Variants in OLA1 observed in about 807,000 individuals in gnomAD.
OLA1 encodes the protein Obg like ATPase 1.
In OLA1, 14 loss-of-function variants were observed where a neutral mutation model predicts 48.4. That is an observed-to-expected ratio of 0.29 (90% CI 0.19 to 0.45). The LOEUF (loss-of-function observed/expected upper bound fraction) is 0.45. Among genes scored for constraint, OLA1 ranks in the 20% least tolerant of loss-of-function variants. The pLI is 1.00. For synonymous variants in OLA1, 127 were observed against 150.4 expected, an observed-to-expected ratio of 0.84 and a Z score of 1.14; for missense variants, 325 against 467.1, an observed-to-expected ratio of 0.70 and a Z score of 2.80.
At chr2:174,089,611 A>G (rs1350168085) in intron 7 of OLA1, among the ~76,000 whole-genome samples, 1 of 152,182 alleles carries the variant, frequency 6.6e-6, no homozygotes, top group East Asian at 1.9e-4. Flanking sequence ...TTTATAAGAC[A>G]TAATTATTGG....
At chr2:174,224,576 T>C (rs1263305795) in intron 3 of OLA1, among the ~76,000 whole-genome samples, 1 of 152,064 alleles carries the variant, frequency 6.6e-6, no homozygotes, top group Admixed American at 6.6e-5. Flanking sequence ...GGAGTTCAAG[T>C]TCAGCCTGGG....
At chr2:174,219,006 T>TTTTTTTTTTTTTTTTTTTTG (rs57416373) in intron 4 of OLA1, among the ~76,000 whole-genome samples, 1 of 135,800 alleles carries the variant, frequency 7.4e-6, no homozygotes, top group African/African-American at 2.9e-5. Flanking sequence ...TTTTTTTTTT[T>TTTTTTTTTTTTTTTTTTTTG]GTAGCAATGT....
intron 4 of OLA1, among the ~76,000 whole-genome samples, chr2:174,180,892 T>G (rs988146771): frequency 3.9e-5 from 6 of 152,222 alleles, no homozygotes; most frequent in Non-Finnish European, 8.8e-5. Flanking sequence ...TAGCAAGTAA[T>G]AAAAGCCCTT....
chr2:174,167,876 C>T (rs1350411726), intron 4 of OLA1, among the ~76,000 whole-genome samples: 1 of 152,130 alleles, frequency 6.6e-6, no homozygotes, highest in Non-Finnish European at 1.5e-5. Flanking sequence ...AAAATTCCAA[C>T]CAAGGGCTTT....
At chr2:174,137,396 GCT>G (rs1558971219) in intron 5 of OLA1, among the ~76,000 whole-genome samples, 1 of 152,178 alleles carries the variant, frequency 6.6e-6, no homozygotes, top group Admixed American at 6.5e-5. Flanking sequence ...ACTCGCAAAG[GCT>G]CTAGGATTTT....
At chr2:174,177,827 G>A (rs1421511138) in intron 4 of OLA1, among the ~76,000 whole-genome samples, 1 of 151,708 alleles carries the variant, frequency 6.6e-6, no homozygotes, top group African/African-American at 2.4e-5. Context: ...AAGTCAGCCA[G>A]CTTAATAAAA....
At chr2:174,232,862 T>C (rs1172168651) in intron 2 of OLA1, among the ~76,000 whole-genome samples, 1 of 152,180 alleles carries the variant, frequency 6.6e-6, no homozygotes, top group Non-Finnish European at 1.5e-5. Context: ...TCTGGGTATA[T>C]ATCCAAAAGA....
intron 4 of OLA1, among the ~76,000 whole-genome samples, chr2:174,205,568 T>C (rs1688093248): frequency 1.3e-5 from 2 of 152,340 alleles, no homozygotes; most frequent in South Asian, 2.1e-4. Context: ...CCATCTCCCC[T>C]GACCTAACCC....
At chr2:174,213,789 A>G (rs1364276397) in intron 4 of OLA1, among the ~76,000 whole-genome samples, 1 of 152,210 alleles carries the variant, frequency 6.6e-6, no homozygotes, top group Non-Finnish European at 1.5e-5. Context: ...TTTACTGAAG[A>G]TGAAAGAGAA....
At chr2:174,205,753 T>C (rs1288552776) in intron 4 of OLA1, among the ~76,000 whole-genome samples, 1 of 152,174 alleles carries the variant, frequency 6.6e-6, no homozygotes, top group Non-Finnish European at 1.5e-5. Flanking sequence ...GAGGAGAAGA[T>C]GGACCGGTCA....
At chr2:174,111,245 TA>T (rs1242448831) in intron 7 of OLA1, among the ~76,000 whole-genome samples, 5 of 152,232 alleles carry the variant, frequency 3.3e-5, no homozygotes, top group Non-Finnish European at 7.3e-5. Context: ...TGCTCTCCGA[TA>T]GGTATAAGTT....
chr2:174,241,918 G>T (rs1033840326), intron 2 of OLA1, among the ~76,000 whole-genome samples: 1 of 152,274 alleles, frequency 6.6e-6, no homozygotes, highest in Non-Finnish European at 1.5e-5. Context: ...TTACAGGCGT[G>T]AGCCTCTGCA....
At chr2:174,115,507 A>G (rs1243533536) in intron 7 of OLA1, among the ~76,000 whole-genome samples, 3 of 152,274 alleles carry the variant, frequency 2.0e-5, no homozygotes, top group Non-Finnish European at 2.9e-5. Context: ...AAAATTTTAG[A>G]ACACATTTAG....
Position 174,195,316 on chromosome 2 carries a change from T to A in OLA1, c.373+27717A>T, listed in dbSNP as rs189135207. 3.3e-3 allele frequency among the ~76,000 whole-genome samples: 496 copies of A among 151,990 alleles called. 4 individuals are homozygous for A. Among genetic ancestry groups the A allele is most frequent in the African/African-American group, 0.011 (464 of 41,462 alleles). ...TTTTCCAGTTGCATGCATGAAAAAA[T>A]TTTTTTTAAATATGCTGTCTTCATA... is the stretch of plus-strand genomic sequence containing the variant. On this transcript the variant is annotated intron_variant, in intron 4 of 10. Transcript: ENST00000284719.
chr2:174,229,988 G>A (rs1688693219), intron 2 of OLA1, among the ~76,000 whole-genome samples: 1 of 152,086 alleles, frequency 6.6e-6, no homozygotes, highest in Non-Finnish European at 1.5e-5. Flanking sequence ...CTAGAATTGT[G>A]AATTATGAAA....
chr2:174,082,773 T>C (rs1326648682), intron 7 of OLA1, among the ~76,000 whole-genome samples: 1 of 152,164 alleles, frequency 6.6e-6, no homozygotes, highest in Non-Finnish European at 1.5e-5. Flanking sequence ...TCCTAGTTGT[T>C]ACCTGAAAAG....
chr2:174,077,123 A>G (rs1684758401), intron 10 of OLA1, among the ~76,000 whole-genome samples: 1 of 152,162 alleles, frequency 6.6e-6, no homozygotes, highest in African/African-American at 2.4e-5. Context: ...AATCTTGAGT[A>G]TGTATTAAAC....
intron 4 of OLA1, among the ~76,000 whole-genome samples, chr2:174,210,338 G>A (rs1199786977): frequency 6.6e-6 from 1 of 152,082 alleles, no homozygotes; most frequent in Non-Finnish European, 1.5e-5. Flanking sequence ...GGGCAAACAT[G>A]ATATTTTATT....
chr2:174,108,916 T>A (rs964087353), intron 7 of OLA1, among the ~76,000 whole-genome samples: 3 of 152,202 alleles, frequency 2.0e-5, no homozygotes, highest in African/African-American at 7.2e-5. Context: ...GTGTTCACCA[T>A]AATGGTGGTT....
Sources: allele counts gnomAD v4.1 joint callset (sites outside exome capture counted in the v4.1 genomes callset), GRCh38; gene constraint gnomAD v4.1.1; transcripts MANE v1.5; gene names NCBI Gene and HGNC (gene_info 2026-07-23, HGNC 2026-07-21).